The following MYO16 variants were observed in gnomAD, a reference collection of about 807,000 sequenced individuals.
The protein encoded by MYO16 is unconventional myosin-XVI.
MYO16 carries 94 observed loss-of-function variants against 205.3 expected under a neutral mutation model. That is an observed-to-expected ratio of 0.46 (90% CI 0.39 to 0.54). The LOEUF is 0.54. MYO16 is among the 20% of genes least tolerant of loss of function. The pLI, the probability that MYO16 is intolerant of heterozygous loss-of-function variation, is 0.00. For synonymous variants in MYO16, 988 were observed against 954.0 expected (o/e 1.04, Z -0.66); for missense variants, 2,315 against 2,387.5 (o/e 0.97, Z 0.63).
At chr13:108,584,032 C>A in the MYO16 span, among the ~76,000 whole-genome samples, 2 of 152,178 alleles carry the variant, frequency 1.3e-5, no homozygotes, top group African/African-American at 4.8e-5. Flanking sequence ...TGGCTCACTG[C>A]AAGCTCTGCC....
chr13:109,069,220 A>G (rs1418916050), intron 27 of MYO16, among the ~76,000 whole-genome samples: 1 of 152,242 alleles, frequency 6.6e-6, no homozygotes, highest in African/African-American at 2.4e-5. Flanking sequence ...TTTGTAAATT[A>G]AAGTCCAGAG....
intron 21 of MYO16, among the ~76,000 whole-genome samples, chr13:108,994,464 C>T (rs1191038521): frequency 1.3e-5 from 2 of 152,076 alleles, no homozygotes; most frequent in Non-Finnish European, 2.9e-5. Context: ...GTACAAATCT[C>T]ATCTTTTGAC....
At chr13:109,056,121 A>G (rs1428039549) in intron 27 of MYO16, 1 of 153,804 alleles carries the variant, frequency 6.5e-6, no homozygotes, top group African/African-American at 2.4e-5. Context: ...ACAGTGTGCC[A>G]TGGTGTAAAA....
intron 9 of MYO16, among the ~76,000 whole-genome samples, chr13:108,831,334 T>A (rs111838643): frequency 3.9e-5 from 6 of 152,310 alleles, no homozygotes; most frequent in African/African-American, 1.4e-4. Flanking sequence ...TATTTGTAAT[T>A]GTCAAAGATT....
intron 4 of MYO16, among the ~76,000 whole-genome samples, chr13:108,783,503 T>C (rs1397991045): frequency 6.6e-6 from 1 of 152,172 alleles, no homozygotes; most frequent in African/African-American, 2.4e-5. Context: ...TAATGCTGAA[T>C]TGAGTTAAGA....
chr13:108,668,295 G>T (rs1004066484), intron 2 of MYO16, among the ~76,000 whole-genome samples: 4 of 152,182 alleles, frequency 2.6e-5, no homozygotes, highest in Admixed American at 1.3e-4. Context: ...CTAGGCAAGA[G>T]ATGATGGTGG....
chr13:109,117,345 GATGCAAATATATATAAT>G (rs553237293), intron 28 of MYO16, among the ~76,000 whole-genome samples: 22 of 134,296 alleles, frequency 1.6e-4, no homozygotes, highest in Admixed American at 1.3e-3. Context: ...TTCTTCAGGA[GATGCAAATATATATAAT>G]ATGCAAATAT....
intron 16 of MYO16, among the ~76,000 whole-genome samples, chr13:108,931,588 G>A (rs72654033): frequency 0.092 from 14,066 of 152,072 alleles, 989 homozygotes; most frequent in East Asian, 0.35. Flanking sequence ...TATATTATTC[G>A]TTACATTCCT....
intron 34 of MYO16, among the ~76,000 whole-genome samples, chr13:109,193,533 G>A (rs1023469599): frequency 3.9e-5 from 6 of 151,934 alleles, no homozygotes; most frequent in Non-Finnish European, 5.9e-5. Flanking sequence ...ATTTAATACT[G>A]TTACACACGA....
intron 3 of MYO16, among the ~76,000 whole-genome samples, chr13:108,714,105 G>A (rs543736439): frequency 6.6e-6 from 1 of 152,258 alleles, no homozygotes; most frequent in African/African-American, 2.4e-5. Flanking sequence ...CGCCCAGGCT[G>A]GAGTGCAGTG....
Position 108,924,633 on chromosome 13 carries a change from G to A in MYO16, c.1925+14483G>A, listed in dbSNP as rs546277946. On this transcript the variant is annotated intron_variant, in intron 16 of 34. Coordinates refer to ENST00000457511, the MANE Select transcript of MYO16 (RefSeq NM_001198950.3). ...CTGCTTACTGATTTATAAGTGCTGT[G>A]TTGTTTTTCATTACTTTAGTCTCTG... 3.3e-5 allele frequency among the ~76,000 whole-genome samples: 5 copies of A among 152,300 alleles called. No homozygotes were observed. In the South Asian group the frequency reaches 8.3e-4, roughly 25 times the overall value.
intron 4 of MYO16, among the ~76,000 whole-genome samples, chr13:108,774,635 C>T (rs553781254): frequency 6.6e-6 from 1 of 151,930 alleles, no homozygotes; most frequent in Non-Finnish European, 1.5e-5. Context: ...TATTGAGCTG[C>T]ATAAGGTTTT....
chr13:108,808,083 G>A (rs1448829779), intron 7 of MYO16, among the ~76,000 whole-genome samples: 1 of 151,926 alleles, frequency 6.6e-6, no homozygotes, highest in Non-Finnish European at 1.5e-5. Flanking sequence ...AATGACCAAG[G>A]CAGAAAAAAT....
At position 109,053,043 on chromosome 13, in the gene MYO16, A is replaced by G. The variant is rs746589409; in HGVS notation, c.3048+568A>G. ...TGTGCCAAAAGAGAACTAAAAACTCAGTGAAGAGTTGTTTCAAACTGATAG... is the reference window on the plus strand; with the variant it reads ...TGTGCCAAAAGAGAACTAAAAACTCGGTGAAGAGTTGTTTCAAACTGATAG... On this transcript the variant is annotated intron_variant, in intron 25 of 34. Transcript: ENST00000457511. 5.1e-4 allele frequency among the ~76,000 whole-genome samples: 78 copies of G among 152,272 alleles called. 2 individuals are homozygous for G. The highest frequency in any genetic ancestry group is 9.8e-4 in the Admixed American group (15 of 15,286).
chr13:109,055,255 AC>A lies in MYO16; in HGVS notation c.3129+130del. 6 of 863,190 alleles carry A rather than the reference AC, an allele frequency of 7.0e-6. No homozygotes were observed. Among genetic ancestry groups the A allele is most frequent in the Non-Finnish European group, 1.1e-5 (6 of 562,646 alleles). 53.5% of individuals were successfully genotyped at this position (863,190 alleles called of 1,614,324 possible). ...ACAAAAAAAGTAAACATACACACACACACACACACACACACACACAGAGTAA... is the reference window on the plus strand; with the variant it reads ...ACAAAAAAAGTAAACATACACACACAACACACACACACACACACAGAGTAA... On this transcript the variant is annotated intron_variant, in intron 26 of 34. Transcript: ENST00000457511. This position sits in a 1 kb window ranked among gnomAD's most constrained non-coding sequence, Gnocchi z 5.0.
intron 3 of MYO16, among the ~76,000 whole-genome samples, chr13:108,725,421 G>A (rs1884304865): frequency 1.3e-5 from 2 of 151,974 alleles, no homozygotes; most frequent in South Asian, 2.1e-4. Context: ...AACTCTTTGG[G>A]GGCTACTAAG....
At chr13:108,815,054 A>G (rs1265589254) in intron 7 of MYO16, among the ~76,000 whole-genome samples, 2 of 152,218 alleles carry the variant, frequency 1.3e-5, no homozygotes, top group East Asian at 3.8e-4. Context: ...ATTTTTTTAC[A>G]GTAGTGTTAC....
intron 23 of MYO16, chr13:109,028,272 GTATAA>G (rs10574005): frequency 0.4 from 65,265 of 163,982 alleles, 13,269 homozygotes; most frequent in East Asian, 0.66. Flanking sequence ...TAAAAATATT[GTATAA>G]TATAACATTA....
chr13:108,735,863 T>C (rs964754570), intron 4 of MYO16, among the ~76,000 whole-genome samples: 1 of 152,144 alleles, frequency 6.6e-6, no homozygotes, highest in Non-Finnish European at 1.5e-5. Context: ...TATCTCATTG[T>C]GGTTTTGATT....
Sources: gnomAD v4.1 joint callset for allele counts (sites outside exome capture counted in the v4.1 genomes callset) on GRCh38, gnomAD v4.1.1 for gene constraint, Gnocchi (gnomAD v3.1) non-coding constraint, MANE v1.5 for transcripts, NCBI Gene and HGNC (gene_info 2026-07-23, HGNC 2026-07-21) for gene names.